CHN2: variants seen among roughly 807,000 people sequenced by gnomAD.
CHN2 encodes chimerin 2.
CHN2 carries 35 observed loss-of-function variants against 56.3 expected under a neutral mutation model. The observed-to-expected ratio is 0.62, with a 90% confidence interval of 0.47 to 0.82. The LOEUF (loss-of-function observed/expected upper bound fraction) is 0.82, where lower values mean the gene tolerates loss of function less well. Ranked by LOEUF, CHN2 falls within the 40% of genes least tolerant of loss-of-function variation. The pLI is 0.00. For missense variants in CHN2, 491 were observed against 580.5 expected, an observed-to-expected ratio of 0.85 and a Z score of 1.58; for synonymous variants, 210 against 212.8, an observed-to-expected ratio of 0.99 and a Z score of 0.12.
At chr7:29,184,246 A>C (rs1438427197) in intron 2 of CHN2, among the ~76,000 whole-genome samples, 1 of 150,820 alleles carries the variant, frequency 6.6e-6, no homozygotes, top group East Asian at 1.9e-4. Context: ...ATACATATAC[A>C]ATCTATATAT....
chr7:29,404,984 G>A (rs1585282484), intron 6 of CHN2, among the ~76,000 whole-genome samples: 1 of 135,384 alleles, frequency 7.4e-6, no homozygotes, highest in South Asian at 2.5e-4. Flanking sequence ...GGGGTACAGT[G>A]TGGAAGGAGA....
intron 1 of CHN2, among the ~76,000 whole-genome samples, chr7:29,263,550 T>A (rs1789769426): frequency 6.6e-6 from 1 of 151,088 alleles, no homozygotes; most frequent in African/African-American, 2.4e-5. Context: ...GAGGAGCGCC[T>A]CTTTCCAGCC....
chr7:29,439,171 A>G (rs1019419645), intron 6 of CHN2, among the ~76,000 whole-genome samples: 1 of 152,224 alleles, frequency 6.6e-6, no homozygotes, highest in East Asian at 1.9e-4. Flanking sequence ...GTTGTACAGA[A>G]CTAAACAGTC....
chr7:29,173,993 A>G (rs1562807735), intron 2 of CHN2, among the ~76,000 whole-genome samples: 4 of 152,062 alleles, frequency 2.6e-5, no homozygotes, highest in African/African-American at 9.7e-5. Flanking sequence ...ATGCACTCAT[A>G]TCTCATATTA....
intron 2 of CHN2, among the ~76,000 whole-genome samples, chr7:29,366,653 G>T (rs989750761): frequency 6.6e-6 from 1 of 152,126 alleles, no homozygotes; most frequent in Non-Finnish European, 1.5e-5. Context: ...AAAGGGTTGT[G>T]GTGAACTCTG....
intron 1 of CHN2, among the ~76,000 whole-genome samples, chr7:29,310,882 T>G (rs531254107): frequency 6.6e-6 from 1 of 152,336 alleles, no homozygotes; most frequent in Non-Finnish European, 1.5e-5. Flanking sequence ...GAGGTTAGGA[T>G]TTCAACATAA....
At chr7:29,221,468 C>A (rs1785786861) in intron 1 of CHN2, among the ~76,000 whole-genome samples, 1 of 151,632 alleles carries the variant, frequency 6.6e-6, no homozygotes, top group African/African-American at 2.4e-5. Flanking sequence ...TTTCCTTCAA[C>A]TTTTGTTTTA....
At chr7:29,152,735 T>A (rs78257967) in intron 2 of CHN2, among the ~76,000 whole-genome samples, 5,308 of 152,296 alleles carry the variant, frequency 0.035, 127 homozygotes, top group South Asian at 0.094. Flanking sequence ...GTTGGAAGAG[T>A]TAACGCCATT....
intron 9 of CHN2, among the ~76,000 whole-genome samples, chr7:29,500,711 G>A (rs189456155): frequency 7.0e-4 from 107 of 152,286 alleles, no homozygotes; most frequent in Admixed American, 6.8e-3. Flanking sequence ...AAAAAAAGGT[G>A]CTTCTGTTAA....
intron 2 of CHN2, among the ~76,000 whole-genome samples, chr7:29,165,983 G>A (rs967151854): frequency 6.6e-6 from 1 of 152,040 alleles, no homozygotes; most frequent in African/African-American, 2.4e-5. Context: ...CTTTGGTTTT[G>A]GTATCAAGGT....
chr7:29,407,133 A>G (rs1802724764), intron 6 of CHN2, among the ~76,000 whole-genome samples: 2 of 152,164 alleles, frequency 1.3e-5, no homozygotes, highest in African/African-American at 4.8e-5. Flanking sequence ...AAGCAGGGGA[A>G]TCGTGGAGAC....
intron 6 of CHN2, among the ~76,000 whole-genome samples, chr7:29,406,344 T>G (rs1802649404): frequency 6.6e-6 from 1 of 152,110 alleles, no homozygotes. Flanking sequence ...CGGGTAGAAC[T>G]GCTTCTAAGA....
chr7:29,247,835 A>G (rs1239728102), intron 1 of CHN2, among the ~76,000 whole-genome samples: 2 of 152,222 alleles, frequency 1.3e-5, no homozygotes, highest in African/African-American at 4.8e-5. Flanking sequence ...ACAATCATGC[A>G]ACCCCCAAAT....
intron 1 of CHN2, among the ~76,000 whole-genome samples, chr7:29,217,454 C>T (rs1035871669): frequency 4.6e-5 from 7 of 152,002 alleles, no homozygotes; most frequent in Non-Finnish European, 7.4e-5. Flanking sequence ...AATGTGTAGA[C>T]TGGGAGGGCC....
At chr7:29,412,446 C>G (rs1803330387) in intron 6 of CHN2, among the ~76,000 whole-genome samples, 1 of 147,994 alleles carries the variant, frequency 6.8e-6, no homozygotes, top group Non-Finnish European at 1.5e-5. Flanking sequence ...ATTCTTCTAC[C>G]TCAGCCTCCC....
rs775535352 is a variant in CHN2, at chr7:29,459,257, ACTGTCATG to A, written c.577-21021_577-21014del. On this transcript the variant is annotated intron_variant, in intron 6 of 12. Coordinates refer to ENST00000222792, the MANE Select transcript of CHN2 (RefSeq NM_004067.4). ...CAAAGACTTGTAGGATTTTGGAAAA[ACTGTCATG>A]TTTCTTCCCTCCTGTGTTTTCATCC... is the stretch of plus-strand genomic sequence containing the variant. 5.3e-5 allele frequency among the ~76,000 whole-genome samples: 8 copies of A among 152,248 alleles called. No homozygotes were observed. In the East Asian group the frequency reaches 1.2e-3, roughly 22 times the overall value.
intron 6 of CHN2, among the ~76,000 whole-genome samples, chr7:29,457,575 A>T (rs1784858790): frequency 6.6e-6 from 1 of 152,152 alleles, no homozygotes; most frequent in Non-Finnish European, 1.5e-5. Flanking sequence ...AATTATACCC[A>T]CATGGGGTAT....
At position 29,300,607 on chromosome 7, in the gene CHN2, T is replaced by A. The variant is rs1005153122; in HGVS notation, c.50-54018T>A. On this transcript the variant is annotated intron_variant, in intron 1 of 12. Coordinates refer to ENST00000222792, the MANE Select transcript of CHN2 (RefSeq NM_004067.4). ...CAACAAAATGATATGGTGGGTCAAATTTGTAAAGCTAAAAAAAAGTAGTGA... is the reference window on the plus strand; with the variant it reads ...CAACAAAATGATATGGTGGGTCAAAATTGTAAAGCTAAAAAAAAGTAGTGA... Among the ~76,000 whole-genome samples, 21 of 152,300 alleles carry A rather than the reference T, an allele frequency of 1.4e-4. No individual in the cohort carries two copies. In the East Asian group the frequency reaches 2.1e-3, roughly 15 times the overall value.
chr7:29,476,783 AT>A (rs1482371307), intron 6 of CHN2, among the ~76,000 whole-genome samples: 1 of 152,134 alleles, frequency 6.6e-6, no homozygotes, highest in African/African-American at 2.4e-5. Flanking sequence ...CAGGCAAAGA[AT>A]GCCACTGAAC....
Sources: gnomAD v4.1 joint callset for allele counts (sites outside exome capture counted in the v4.1 genomes callset) on GRCh38, gnomAD v4.1.1 for gene constraint, MANE v1.5 for transcripts, NCBI Gene and HGNC (gene_info 2026-07-23, HGNC 2026-07-21) for gene names.